The following CENPC variants were observed in gnomAD, a reference collection of about 807,000 sequenced individuals.
CENPC encodes the protein CENP-C 1.
A neutral mutation model predicts 112.1 loss-of-function variants in CENPC; 63 were observed. The observed-to-expected ratio is 0.56, with a 90% CI of 0.46 to 0.69. The LOEUF (loss-of-function observed/expected upper bound fraction) is 0.69. CENPC is among the 30% of genes least tolerant of loss of function. The pLI, the probability that CENPC is intolerant of heterozygous loss-of-function variation, is 0.00. For synonymous variants in CENPC, 333 were observed against 367.6 expected (o/e 0.91, Z 1.08); for missense variants, 1,000 against 1,103.8 (o/e 0.91, Z 1.33).
intron 12 of CENPC, 74 bp from the exon 13 acceptor site, chr4:67,495,286 C>A: frequency 7.6e-7 from 1 of 1,308,338 alleles, no homozygotes; most frequent in South Asian, 1.4e-5. Context: ...GTTTCCTGGT[C>A]AATTTCAGTA....
At chr4:67,500,474 T>G (rs1292251331) in intron 12 of CENPC, among the ~76,000 whole-genome samples, 1 of 152,132 alleles carries the variant, frequency 6.6e-6, no homozygotes, top group Non-Finnish European at 1.5e-5. Flanking sequence ...AATGCCATCT[T>G]CCACTAAAAA....
intron 9 of CENPC, chr4:67,510,588 G>A (rs892079253): frequency 5.3e-5 from 9 of 171,228 alleles, no homozygotes; most frequent in African/African-American, 7.2e-5. Flanking sequence ...TACAGAGCCC[G>A]AACTGATACA....
At chr4:67,481,909 A>G (rs370007058) in intron 17 of CENPC, among the ~76,000 whole-genome samples, 3 of 152,356 alleles carry the variant, frequency 2.0e-5, no homozygotes, top group South Asian at 2.1e-4. Context: ...GGACCTAATT[A>G]AACTAAAAAG....
intron 9 of CENPC, chr4:67,510,674 T>C: frequency 4.3e-6 from 1 of 230,340 alleles, no homozygotes; most frequent in Non-Finnish European, 8.7e-6. Context: ...CTACTTTACC[T>C]CATTCCTGCC....
rs1577979682 is a variant in CENPC at position 67,494,077 on chromosome 4, C to T, written c.2186-89G>A. On this transcript the variant is annotated intron_variant, in intron 13 of 18. Coordinates refer to ENST00000273853, the MANE Select transcript of CENPC (RefSeq NM_001812.4). ...AAGACTGTCTTTTAGAACATGAAAG[C>T]TTTATTTTTTAGAACATGAATATTT... is the stretch of plus-strand genomic sequence containing the variant. The T allele has an allele frequency of 1.3e-5, 8 of 596,182 alleles. No homozygotes were observed. The East Asian group carries it at 2.6e-4, about 20-fold the overall frequency. 36.9% of individuals were successfully genotyped at this position (596,182 alleles called of 1,614,324 possible).
At chr4:67,475,114 T>A in intron 17 of CENPC, 136 bp from the exon 18 acceptor site, 2 of 605,414 alleles carry the variant, frequency 3.3e-6, no homozygotes, top group Non-Finnish European at 5.8e-6. Context: ...GTAAATACAT[T>A]AAATTTCATG....
At chr4:67,507,531 A>C (rs114304259) in intron 10 of CENPC, among the ~76,000 whole-genome samples, 4,052 of 152,278 alleles carry the variant, frequency 0.027, 92 homozygotes, top group Middle Eastern at 0.061. Context: ...GAAATGGACA[A>C]ACTCCTAGAA....
intron 12 of CENPC, 90 bp downstream of exon 12, chr4:67,505,115 C>T: frequency 1.1e-6 from 1 of 878,436 alleles, no homozygotes. Context: ...ATACACTCGC[C>T]ATCAGTGACA....
intron 5 of CENPC, among the ~76,000 whole-genome samples, chr4:67,522,128 G>A (rs1726246066): frequency 6.6e-6 from 1 of 152,162 alleles, no homozygotes; most frequent in African/African-American, 2.4e-5. Flanking sequence ...TTAAAAAAGA[G>A]CAAAGGAAGT....
intron 16 of CENPC, among the ~76,000 whole-genome samples, chr4:67,490,871 T>C (rs28439101): frequency 3.7e-5 from 2 of 54,216 alleles, no homozygotes; most frequent in African/African-American, 1.9e-4. Flanking sequence ...TATATATATA[T>C]ATATATAGAA....
intron 17 of CENPC, among the ~76,000 whole-genome samples, chr4:67,478,662 A>C (rs1294961699): frequency 1.1e-5 from 1 of 91,486 alleles, no homozygotes; most frequent in Non-Finnish European, 2.6e-5. Context: ...ACACACACAC[A>C]CACACCCAAA....
chr4:67,542,067 C>A (rs560641722), intron 2 of CENPC, among the ~76,000 whole-genome samples: 7 of 152,228 alleles, frequency 4.6e-5, no homozygotes, highest in Admixed American at 4.6e-4. Flanking sequence ...TATGTGTGTA[C>A]CACAGTGTTT....
Position 67,472,424 on chromosome 4 carries a change from A to T in CENPC, c.*181T>A. ...TCGCTACAAGCTATTATGTACAGTC[A>T]CTGAAAAATCAGAAAAAACATGTGA... is the stretch of plus-strand genomic sequence containing the variant. On this transcript the variant is annotated 3_prime_UTR_variant, in exon 19 of 19. Coordinates refer to ENST00000273853, the MANE Select transcript of CENPC (RefSeq NM_001812.4). 1.4e-6 allele frequency: 1 copy of T among 724,484 alleles called. No individual in the cohort carries two copies. Among genetic ancestry groups the T allele is most frequent in the Non-Finnish European group, 1.9e-6 (1 of 536,508 alleles). 44.9% of individuals were successfully genotyped at this position (724,484 alleles called of 1,614,324 possible).
chr4:67,498,560 T>C (rs1222144727), intron 12 of CENPC, among the ~76,000 whole-genome samples: 1 of 152,232 alleles, frequency 6.6e-6, no homozygotes, highest in African/African-American at 2.4e-5. Context: ...TCACAACATA[T>C]TCACCAGGAG....
intron 13 of CENPC, among the ~76,000 whole-genome samples, chr4:67,494,203 A>G (rs112235692): frequency 4.3e-4 from 66 of 152,226 alleles, no homozygotes; most frequent in African/African-American, 1.5e-3. Context: ...TAAAAACCTA[A>G]TAATACTCAG....
At chr4:67,530,467 C>T (rs1333228051) in intron 5 of CENPC, among the ~76,000 whole-genome samples, 2 of 150,782 alleles carry the variant, frequency 1.3e-5, no homozygotes, top group Middle Eastern at 3.4e-3. Flanking sequence ...AGGTACAGAA[C>T]TATTTAAAGG....
At chr4:67,492,389 G>C (rs1725309211) in intron 15 of CENPC, 114 bp from the exon 16 acceptor site, 1 of 573,604 alleles carries the variant, frequency 1.7e-6, no homozygotes, top group Admixed American at 3.4e-5. Context: ...CAAACGCAAA[G>C]AAGTCTCTTC....
chr4:67,491,527 A>AGCGAGC (rs1553893263), intron 16 of CENPC, among the ~76,000 whole-genome samples: 19 of 126,452 alleles, frequency 1.5e-4, no homozygotes, highest in African/African-American at 5.6e-4. Context: ...AGAGAGAGAG[A>AGCGAGC]GCCTGGTTGT....
Position 67,530,873 on chromosome 4 carries a change from C to A in CENPC, c.273G>T (p.Lys91Asn). 6.2e-7 allele frequency: 1 copy of A among 1,605,400 alleles called. No homozygotes were observed. Among genetic ancestry groups the A allele is most frequent in the Non-Finnish European group, 8.5e-7 (1 of 1,175,724 alleles). The change falls in exon 5 of 19, where the codon AAG becomes AAT. Residue 91 changes from lysine (K) to asparagine (N), a missense_variant. By Grantham distance (94) the Lys-to-Asn change is moderately conservative. Coordinates refer to ENST00000273853, the MANE Select transcript of CENPC (RefSeq NM_001812.4). Reference sequence around the variant, plus strand: ...CAAACTGTAGAGAGGCTTCTTTCTTCTTTGAAGAAACTGGAACTGACTTTG... The same window carrying A: ...CAAACTGTAGAGAGGCTTCTTTCTTATTTGAAGAAACTGGAACTGACTTTG... The part of the protein sequence containing the change: ...SHPKSVPVSS[K>N]KKEASLQFVV...
Sources: allele counts gnomAD v4.1 joint callset (sites outside exome capture counted in the v4.1 genomes callset), GRCh38; gene constraint gnomAD v4.1.1; transcripts MANE v1.5; gene names NCBI Gene and HGNC (gene_info 2026-07-23, HGNC 2026-07-21).